The following CROCC2 variants were observed in gnomAD, a reference collection of about 807,000 sequenced individuals.
The protein encoded by CROCC2 is ciliary rootlet coiled-coil, rootletin family member 2, also known as ciliary rootlet coiled-coil protein 2.
In CROCC2, 163 loss-of-function variants were observed where a neutral mutation model predicts 177.6. That is an observed-to-expected ratio of 0.92 (90% CI 0.81 to 1.05). The LOEUF (loss-of-function observed/expected upper bound fraction) is 1.05, where lower values mean the gene tolerates loss of function less well. CROCC2 is among the 50% of genes least tolerant of loss of function. CROCC2 has a pLI of 0.00. For synonymous variants in CROCC2, 904 were observed against 787.3 expected (o/e 1.15, Z -2.48); for missense variants, 1,929 against 1,797.8 (o/e 1.07, Z -1.32).
chr2:240,982,745 C>A lies in CROCC2; in HGVS notation c.4402-135C>A. The stretch of plus-strand genomic sequence containing the variant: ...CAACGCACTTCAGGTTGTCCTTAAC[C>A]ACGTTCTTGCTGTTTTCATCCCAGC... On this transcript the variant is annotated intron_variant, in intron 27 of 31. Coordinates refer to ENST00000690015, the MANE Select transcript of CROCC2 (RefSeq NM_001351305.2). The surrounding 1 kb of genome is among the most constrained non-coding windows in gnomAD (Gnocchi z 4.7). 2 of 720,730 alleles carry A rather than the reference C, an allele frequency of 2.8e-6. No homozygotes were observed. Among genetic ancestry groups the A allele is most frequent in the Non-Finnish European group, 4.5e-6 (2 of 443,576 alleles). 44.6% of individuals were successfully genotyped at this position (720,730 alleles called of 1,614,324 possible). A position where few individuals can be genotyped will look rare whatever the true frequency, so the allele number is the denominator to read the frequency against.
chr2:240,939,048 T>G (rs2059483645), intron 14 of CROCC2, among the ~76,000 whole-genome samples: 1 of 152,146 alleles, frequency 6.6e-6, no homozygotes, highest in Non-Finnish European at 1.5e-5. Context: ...AAGTTGAATA[T>G]AAGTGGTGAG....
At chr2:240,923,014 G>C (rs2059366603) in intron 4 of CROCC2, among the ~76,000 whole-genome samples, 1 of 152,092 alleles carries the variant, frequency 6.6e-6, no homozygotes, top group Non-Finnish European at 1.5e-5. Flanking sequence ...CGGCTCAGCA[G>C]CATCCCTATT....
At chr2:240,951,093 A>T (rs2059553256) in intron 18 of CROCC2, among the ~76,000 whole-genome samples, 1 of 151,418 alleles carries the variant, frequency 6.6e-6, no homozygotes, top group Non-Finnish European at 1.5e-5. Context: ...CCATCCATCC[A>T]CCCATCCACC....
At chr2:240,959,132 A>T in intron 19 of CROCC2, 169 bp from the exon 20 acceptor site, 2 of 705,560 alleles carry the variant, frequency 2.8e-6, no homozygotes, top group Non-Finnish European at 4.5e-6. Context: ...CCTGTTTGAC[A>T]GTTTAGGAAA....
Position 240,932,804 on chromosome 2 carries a change from C to G in CROCC2, c.1147C>G (p.Pro383Ala), listed in dbSNP as rs532292070. Residue 383 changes from proline to alanine, a missense_variant, in exon 9 of 32, where the codon CCC (proline) becomes GCC (alanine). Pro to Ala is a conservative substitution (Grantham distance 27). Around this residue, in one of 3 missense-constraint regions of CROCC2, gnomAD observed 1,397 missense variants for 1,239.9 expected, o/e 1.13. Transcript: ENST00000690015. ...GAGGAGCCCCCAACGTGCCACATCC[C>G]CCCATCAAGGGGCGTCCCCACCACA... ...PLRSPQRATS[P>A]HQGASPPHIC... 1 of 1,510,136 alleles carries G rather than the reference C, an allele frequency of 6.6e-7. No homozygotes were observed. The highest frequency in any genetic ancestry group is 2.0e-5 in the Admixed American group (1 of 50,172). The allele number at this position is 1,510,136 out of a possible 1,614,324, so 93.5% of individuals were successfully genotyped here.
chr2:240,990,545 T>C (rs2059871053), intron 30 of CROCC2, among the ~76,000 whole-genome samples: 1 of 152,000 alleles, frequency 6.6e-6, no homozygotes, highest in Non-Finnish European at 1.5e-5. Flanking sequence ...CAAAAGGACA[T>C]TTATTTATTT....
chr2:240,963,208 G>C (rs2059654757), intron 20 of CROCC2: 1 of 286,630 alleles, frequency 3.5e-6, no homozygotes, highest in Non-Finnish European at 6.6e-6. Context: ...AAGGGCCCCA[G>C]GCAGTGACAG....
intron 2 of CROCC2, among the ~76,000 whole-genome samples, chr2:240,919,514 G>C (rs1294446468): frequency 1.3e-5 from 2 of 152,148 alleles, no homozygotes; most frequent in East Asian, 3.9e-4. Flanking sequence ...ACTCCCTCGT[G>C]CATGGGTCCC....
intron 29 of CROCC2, 128 bp from the exon 30 acceptor site, chr2:240,989,526 A>G (rs1013036624): frequency 1.1e-6 from 1 of 877,010 alleles, no homozygotes; most frequent in Admixed American, 2.8e-5. Flanking sequence ...AGTCCTGGCC[A>G]GGTCAACACC....
chr2:240,965,411 A>AGG lies in CROCC2; in HGVS notation c.3497_3498dup (p.Ser1167GlyfsTer227). The AGG allele has an allele frequency of 6.5e-7, 1 of 1,549,612 alleles. No homozygotes were observed. The highest frequency in any genetic ancestry group is 8.7e-7 in the Non-Finnish European group (1 of 1,146,910). On this transcript the variant is annotated frameshift_variant, in exon 23 of 32. Coordinates refer to ENST00000690015, the MANE Select transcript of CROCC2 (RefSeq NM_001351305.2). LOFTEE classifies it high-confidence loss of function. ...GACACTGAAGGCCGAGAACCAGAGG[A>AGG]GGAGTGGAGAGGCCCATGAGCTGCA...
intron 28 of CROCC2, 161 bp downstream of exon 28, chr2:240,983,190 A>C (rs1243768664): frequency 1.2e-6 from 1 of 860,404 alleles, no homozygotes; most frequent in East Asian, 2.7e-5. Context: ...AGACCCAGGC[A>C]CCATCCAGTC....
intron 20 of CROCC2, among the ~76,000 whole-genome samples, chr2:240,962,229 T>A (rs943137977): frequency 3.4e-5 from 5 of 147,042 alleles, no homozygotes; most frequent in Non-Finnish European, 5.9e-5. Flanking sequence ...ATAATCACAT[T>A]AAGTGATTTG....
At chr2:240,930,313 G>C in intron 6 of CROCC2, 44 bp downstream of exon 6, 2 of 495,538 alleles carry the variant, frequency 4.0e-6, no homozygotes, top group Non-Finnish European at 7.4e-6. Flanking sequence ...CCAGGCTGCA[G>C]GGAGCTGAAA....
rs2059605585 is a variant in CROCC2, at chr2:240,958,159, G to T, written c.2944-1142G>T. On this transcript the variant is annotated intron_variant, in intron 19 of 31. Coordinates refer to ENST00000690015, the MANE Select transcript of CROCC2 (RefSeq NM_001351305.2). This position sits in a 1 kb window ranked among gnomAD's most constrained non-coding sequence, Gnocchi z 6.7. ...GGAGGAGAGGAATGCCGGCCAAGGA[G>T]CACCAGGCGCCAGATGACAGGACAG... 1.0e-6 allele frequency: 1 copy of T among 985,396 alleles called. No individual in the cohort carries two copies. The highest frequency in any genetic ancestry group is 4.7e-5 in the South Asian group (1 of 21,288). 61.0% of individuals were successfully genotyped at this position (985,396 alleles called of 1,614,324 possible).
intron 25 of CROCC2, among the ~76,000 whole-genome samples, chr2:240,966,754 C>T (rs1274327296): frequency 1.3e-5 from 2 of 152,168 alleles, no homozygotes; most frequent in Non-Finnish European, 2.9e-5. Flanking sequence ...CCCCTCAATG[C>T]TCCCAAAGAC....
rs1170598538 is a variant in CROCC2 at position 240,959,444 on chromosome 2, G to A, written c.3087G>A (p.Glu1029=). The change falls in exon 20 of 32, where the codon GAG becomes GAA. Residue 1029 remains glutamate, a splice_region_variant and synonymous_variant. Transcript: ENST00000690015. The part of the protein sequence containing the change: ...LAAERGDVER[E]AERLRAQLTV... ...CTGAGCGGGGCGATGTGGAGAGAGA[G>A]GTGAGAGGCAGGGCTGGGGGGCTCC... 6.5e-7 allele frequency: 1 copy of A among 1,549,978 alleles called. No homozygotes were observed. The highest frequency in any genetic ancestry group is 1.4e-5 in the African/African-American group (1 of 73,046).
rs1205414680 is a variant in CROCC2, at chr2:240,958,782, G to A, written c.2944-519G>A. ...GGAGGGCCTTGAGAGGAAGCGGGGT[G>A]GTGTCCCGAGGGGCCTGGGGCTTGG... is the stretch of plus-strand genomic sequence containing the variant. On this transcript the variant is annotated intron_variant, in intron 19 of 31. Transcript: ENST00000690015. This position sits in a 1 kb window ranked among gnomAD's most constrained non-coding sequence, Gnocchi z 6.7. 2.0e-5 allele frequency among the ~76,000 whole-genome samples: 3 copies of A among 152,318 alleles called. No individual in the cohort carries two copies. The highest frequency in any genetic ancestry group is 7.2e-5 in the African/African-American group (3 of 41,582).
chr2:240,967,099 A>T (rs923485062), intron 25 of CROCC2, among the ~76,000 whole-genome samples: 1 of 151,152 alleles, frequency 6.6e-6, no homozygotes, highest in Non-Finnish European at 1.5e-5. Context: ...TGAAACCTGG[A>T]CCCTTTAGGC....
rs1054852169 is a variant in CROCC2, at chr2:240,959,429, C to T, written c.3072C>T (p.Gly1024=). 1.4e-5 allele frequency: 21 copies of T among 1,549,918 alleles called. No individual in the cohort carries two copies. The Admixed American group carries it at 2.0e-4, about 14-fold the overall frequency. Reference sequence around the variant, plus strand: ...TCCAGGACCTAGCGGCTGAGCGGGGCGATGTGGAGAGAGAGGTGAGAGGCA... The same window carrying T: ...TCCAGGACCTAGCGGCTGAGCGGGGTGATGTGGAGAGAGAGGTGAGAGGCA... ...ESLQDLAAER[G]DVEREAERLR... The change falls in exon 20 of 32, where the codon GGC becomes GGT. Residue 1024 remains glycine, a synonymous_variant. Coordinates refer to ENST00000690015, the MANE Select transcript of CROCC2 (RefSeq NM_001351305.2).
Sources: allele counts gnomAD v4.1 joint callset (sites outside exome capture counted in the v4.1 genomes callset), GRCh38; gene constraint gnomAD v4.1.1; regional missense constraint gnomAD v4.1.1; non-coding constraint Gnocchi (gnomAD v3.1); transcripts MANE v1.5; gene names NCBI Gene and HGNC (gene_info 2026-07-23, HGNC 2026-07-21).